The following HRH1 variants were observed in gnomAD, a reference collection of about 807,000 sequenced individuals.
HRH1 encodes the protein histamine H1 receptor.
A neutral mutation model predicts 10.3 loss-of-function variants in HRH1; 6 were observed. The observed-to-expected ratio is 0.58, with a 90% CI of 0.32 to 1.15. The LOEUF is 1.15. Among genes scored for constraint, HRH1 ranks in the 50% most tolerant of loss-of-function variants. HRH1 has a pLI of 0.05. For synonymous variants in HRH1, 242 were observed against 236.7 expected (o/e 1.02, Z -0.21); for missense variants, 514 against 615.3 (o/e 0.84, Z 1.74).
Position 11,163,701 on chromosome 3 carries a change from A to G in HRH1, c.-36+9147A>G, listed in dbSNP as rs1936972085. Among the ~76,000 whole-genome samples, 7 of 143,826 alleles carry G rather than the reference A, an allele frequency of 4.9e-5. No homozygotes were observed. In the South Asian group the frequency reaches 1.4e-3, roughly 30 times the overall value. The allele number at this position is 143,826 out of a possible 152,430, so 94.4% of individuals were successfully genotyped here. A position where few individuals can be genotyped will look rare whatever the true frequency, so the allele number is the denominator to read the frequency against. On this transcript the variant is annotated intron_variant, in intron 1 of 1. Transcript: ENST00000431010. ...AATAAACACTAGTTATTACATTAGC[A>G]TATAAGTACATGTGAACACATATAA...
At chr3:11,145,521 A>G (rs948421144) in intron 1 of HRH1, among the ~76,000 whole-genome samples, 4 of 151,938 alleles carry the variant, frequency 2.6e-5, no homozygotes, top group Admixed American at 2.6e-4. Context: ...GCTTGCCTCT[A>G]TATCTCATCT....
chr3:11,210,303 A>G (rs1384808065), intron 1 of HRH1, among the ~76,000 whole-genome samples: 1 of 152,072 alleles, frequency 6.6e-6, no homozygotes, highest in Non-Finnish European at 1.5e-5. Flanking sequence ...CTGAGATGGG[A>G]GAGTTGCTTG....
At chr3:11,198,578 A>G (rs1188645912) in intron 1 of HRH1, among the ~76,000 whole-genome samples, 1 of 152,000 alleles carries the variant, frequency 6.6e-6, no homozygotes, top group Non-Finnish European at 1.5e-5. Flanking sequence ...TCCTGTCAAA[A>G]TGCCTGACAG....
chr3:11,179,920 G>A (rs1049030740), intron 1 of HRH1, among the ~76,000 whole-genome samples: 1 of 151,676 alleles, frequency 6.6e-6, no homozygotes, highest in African/African-American at 2.4e-5. Context: ...ACAGGCATGC[G>A]CCACCATGTC....
chr3:11,237,664 CTTTTTTTTTTTTTTTTTT>C (rs376450222), intron 1 of HRH1, among the ~76,000 whole-genome samples: 1 of 83,088 alleles, frequency 1.2e-5, no homozygotes, highest in Non-Finnish European at 2.2e-5. Context: ...TTTTCTTTTC[CTTTTTTTTTTTTTTTTTT>C]TTTTTTTTTT....
At chr3:11,202,497 ACTT>A (rs1472215229) in intron 1 of HRH1, among the ~76,000 whole-genome samples, 4 of 152,112 alleles carry the variant, frequency 2.6e-5, no homozygotes, top group Admixed American at 2.6e-4. Flanking sequence ...GATTTCTAAG[ACTT>A]CTTCCAGCTT....
At chr3:11,211,663 T>C (rs1347179859) in intron 1 of HRH1, among the ~76,000 whole-genome samples, 1 of 152,154 alleles carries the variant, frequency 6.6e-6, no homozygotes, top group Admixed American at 6.5e-5. Context: ...GTCAGGAAGA[T>C]AAATGAAGAG....
At chr3:11,258,817 A>G (rs770705325) in intron 1 of HRH1, among the ~76,000 whole-genome samples, 186 bp from the exon 2 acceptor site, 15 of 152,206 alleles carry the variant, frequency 9.9e-5, no homozygotes, top group Non-Finnish European at 1.9e-4. Context: ...CAGAAATTCA[A>G]TAAATAGTTG....
At chr3:11,185,119 CTG>C (rs1937431597) in intron 1 of HRH1, among the ~76,000 whole-genome samples, 1 of 151,618 alleles carries the variant, frequency 6.6e-6, no homozygotes, top group South Asian at 2.1e-4. Context: ...AACCTGGGGA[CTG>C]TGAAAAAACA....
intron 1 of HRH1, among the ~76,000 whole-genome samples, chr3:11,222,494 A>G (rs1324890587): frequency 6.6e-6 from 1 of 152,194 alleles, no homozygotes; most frequent in African/African-American, 2.4e-5. Context: ...TCCTCCAGCA[A>G]GTTCACAGCA....
intron 1 of HRH1, among the ~76,000 whole-genome samples, chr3:11,196,944 CTA>C (rs1170292955): frequency 2.6e-5 from 2 of 76,244 alleles, no homozygotes; most frequent in Non-Finnish European, 4.8e-5. Flanking sequence ...CCCGTCTCTA[CTA>C]AAAATACAAA....
intron 1 of HRH1, among the ~76,000 whole-genome samples, chr3:11,141,274 A>G (rs1052320412): frequency 7.9e-5 from 12 of 152,264 alleles, no homozygotes; most frequent in Non-Finnish European, 1.3e-4. Flanking sequence ...GGGTTAAATG[A>G]AAAATCACAC....
At chr3:11,236,545 G>A (rs1575033980) in intron 1 of HRH1, among the ~76,000 whole-genome samples, 1 of 152,210 alleles carries the variant, frequency 6.6e-6, no homozygotes, top group Non-Finnish European at 1.5e-5. Context: ...CATAATATCT[G>A]TACCTGGCAA....
In HRH1 at chr3:11,148,219, C is replaced by T. The variant is rs146876980; in HGVS notation, c.-36+10820C>T. 3.9e-3 allele frequency among the ~76,000 whole-genome samples: 595 copies of T among 151,564 alleles called. 9 individuals are homozygous for T. Among genetic ancestry groups the T allele is most frequent in the African/African-American group, 0.014 (575 of 41,336 alleles). Reference sequence around the variant, plus strand: ...AAAAAGAAAAGAAACTCTTCCTTCTCAATCCTGCCCATCTCACTGATTAAC... The same window carrying T: ...AAAAAGAAAAGAAACTCTTCCTTCTTAATCCTGCCCATCTCACTGATTAAC... On this transcript the variant is annotated intron_variant, in intron 1 of 1. Transcript: ENST00000438284.
chr3:11,175,044 C>G (rs1010020197), intron 1 of HRH1, among the ~76,000 whole-genome samples: 7 of 152,138 alleles, frequency 4.6e-5, no homozygotes, highest in African/African-American at 1.7e-4. Flanking sequence ...TTTGGTGATA[C>G]AGGATGCTGA....
chr3:11,158,130 T>G (rs1370116841), intron 1 of HRH1, among the ~76,000 whole-genome samples: 1 of 152,250 alleles, frequency 6.6e-6, no homozygotes, highest in Non-Finnish European at 1.5e-5. Flanking sequence ...AGCACCCACC[T>G]TACAGGTTGC....
intron 1 of HRH1, among the ~76,000 whole-genome samples, chr3:11,257,273 T>C (rs1242813293): frequency 7.9e-6 from 1 of 126,532 alleles, no homozygotes. Context: ...AAAAAAAAAA[T>C]GGCTGGGCGT....
chr3:11,198,062 G>T (rs347623), intron 1 of HRH1, among the ~76,000 whole-genome samples: 1 of 152,042 alleles, frequency 6.6e-6, no homozygotes, highest in Non-Finnish European at 1.5e-5. Context: ...CTCATTACTC[G>T]CCAGTACCCT....
chr3:11,233,754 G>T (rs924825160), intron 1 of HRH1, among the ~76,000 whole-genome samples: 2 of 152,160 alleles, frequency 1.3e-5, no homozygotes, highest in African/African-American at 4.8e-5. Context: ...TCACATACTC[G>T]AGGTCAGGAT....
Sources: allele counts gnomAD v4.1 joint callset (sites outside exome capture counted in the v4.1 genomes callset), GRCh38; gene constraint gnomAD v4.1.1; transcripts MANE v1.5; gene names NCBI Gene and HGNC (gene_info 2026-07-23, HGNC 2026-07-21).